Variants in UTP14A observed in about 807,000 individuals in gnomAD.
UTP14A encodes the protein U3 small nucleolar RNA-associated protein 14 homolog A.
Under a neutral mutation model 57.2 loss-of-function variants are expected in UTP14A, and 5 were observed. The observed-to-expected ratio is 0.09, with a 90% CI of 0.05 to 0.18. UTP14A has a LOEUF of 0.18. UTP14A is among the 10% of genes least tolerant of loss of function. UTP14A has a pLI of 1.00. For synonymous variants in UTP14A, 169 were observed against 210.9 expected (o/e 0.80, Z 1.72); for missense variants, 430 against 562.1 (o/e 0.76, Z 2.38).
At chrX:129,927,002 T>G (rs763024484) in intron 14 of UTP14A, among the ~76,000 whole-genome samples, 61 of 112,013 alleles carry the variant, frequency 5.4e-4, no homozygotes, top group Non-Finnish European at 8.5e-4. Context: ...AACCAATCAC[T>G]GCAGAAACTG....
rs190150690 is a variant in UTP14A at position 129,926,156 on chromosome X, C to T, written c.1943+44C>T. The T allele has an allele frequency of 3.5e-3, 4,166 of 1,206,853 alleles. 13 individuals carry two copies. The highest frequency in any genetic ancestry group is 6.7e-3 in the Middle Eastern group (29 of 4,333). Reference sequence around the variant, plus strand: ...GTCTGTCAAAAGGGCACCGGGTTCTCCCCTCGCCCTTCGGTGTCCTCCCTA... The same window carrying T: ...GTCTGTCAAAAGGGCACCGGGTTCTTCCCTCGCCCTTCGGTGTCCTCCCTA... On this transcript the variant is annotated intron_variant, in intron 13 of 14. Coordinates refer to ENST00000394422, the MANE Select transcript of UTP14A (RefSeq NM_006649.4).
chrX:129,920,411 C>CCGTG (rs1201943622), intron 8 of UTP14A, 46 bp from the exon 9 acceptor site: 1 of 1,209,003 alleles, frequency 8.3e-7, no homozygotes, highest in African/African-American at 1.7e-5. Flanking sequence ...CCTATGACAT[C>CCGTG]CGTGCTTCAG....
chrX:129,929,630 A>G lies in UTP14A; in HGVS notation c.*22A>G. On this transcript the variant is annotated 3_prime_UTR_variant, in exon 15 of 15. Transcript: ENST00000394422. ...TTGAGTTGCTGGAGGAGTGACAGCCAGGAGCCCTGACTTCACTTCCTTTGG... is the reference window on the plus strand; with the variant it reads ...TTGAGTTGCTGGAGGAGTGACAGCCGGGAGCCCTGACTTCACTTCCTTTGG... The G allele has an allele frequency of 8.3e-7, 1 of 1,200,690 alleles. No homozygotes were observed. The highest frequency in any genetic ancestry group is 1.1e-6 in the Non-Finnish European group (1 of 888,355).
chrX:129,908,595 A>C (rs779161075), intron 3 of UTP14A, 75 bp from the exon 4 acceptor site: 2 of 945,352 alleles, frequency 2.1e-6, no homozygotes, highest in African/African-American at 3.8e-5. Context: ...TTGAAGAGAG[A>C]AGTGTTTGTC....
At chrX:129,917,919 A>C (rs1265897307) in intron 6 of UTP14A, among the ~76,000 whole-genome samples, 1 of 111,998 alleles carries the variant, frequency 8.9e-6, no homozygotes, top group African/African-American at 3.2e-5. Flanking sequence ...CTCTGCCAAA[A>C]AAATGCCATG....
intron 14 of UTP14A, among the ~76,000 whole-genome samples, chrX:129,928,377 T>G (rs1483901528): frequency 3.8e-5 from 2 of 52,066 alleles, no homozygotes; most frequent in Admixed American, 3.5e-4. Flanking sequence ...AGAGCGAGAC[T>G]CCATCTCAAA....
Position 129,906,175 on chromosome X carries a change from C to G in UTP14A, c.-36C>G, listed in dbSNP as rs759469659. On this transcript the variant is annotated 5_prime_UTR_variant, in exon 1 of 15. Coordinates refer to ENST00000394422, the MANE Select transcript of UTP14A (RefSeq NM_006649.4). ...ACGGAAATTGCTTTCCTTCGGCTTC[C>G]GTTCTTGGTCCATGTGAGAGAAGCT... 3 of 1,207,999 alleles carry G rather than the reference C, an allele frequency of 2.5e-6. No individual in the cohort carries two copies. Among genetic ancestry groups the G allele is most frequent in the South Asian group, 3.5e-5 (2 of 56,763 alleles).
At position 129,924,828 on chromosome X, in the gene UTP14A, G is replaced by A. The variant is rs1227783096; in HGVS notation, c.1382G>A (p.Arg461Lys). 1 of 1,203,758 alleles carries A rather than the reference G, an allele frequency of 8.3e-7. No homozygotes were observed. Among genetic ancestry groups the A allele is most frequent in the Non-Finnish European group, 1.1e-6 (1 of 893,695 alleles). ...AGCCAGGAGGTGCTGTCTGAATTGA[G>A]AGTACTATCTCAGAAATTGAAGGAA... ...SGSQEVLSEL[R>K]VLSQKLKENH... Residue 461 changes from arginine to lysine, a missense_variant, in exon 12 of 15, where the codon AGA becomes AAA. By Grantham distance (26) the Arg-to-Lys change is conservative (BLOSUM62 2). Transcript: ENST00000394422.
At chrX:129,914,097 T>C (rs1929586552) in intron 6 of UTP14A, among the ~76,000 whole-genome samples, 1 of 112,089 alleles carries the variant, frequency 8.9e-6, no homozygotes, top group African/African-American at 3.2e-5. Flanking sequence ...ACATTGAATA[T>C]ACCATGCCGT....
rs768172768 is a variant in UTP14A at position 129,911,896 on chromosome X, T to C, written c.512T>C (p.Ile171Thr). The C allele has an allele frequency of 1.7e-6, 2 of 1,211,566 alleles. No individual in the cohort carries two copies. ...LEKEEPAIAPIEHVLSGWKAR... is the reference protein window; with the variant it reads ...LEKEEPAIAPTEHVLSGWKAR... ...AAAGAGGAGCCAGCCATTGCTCCCA[T>C]TGAACATGTGCTCAGTGGCTGGAAG... The change falls in exon 6 of 15, where the codon ATT becomes ACT. Residue 171 changes from isoleucine (I) to threonine (T), a missense_variant. Physicochemically the swap from Ile to Thr is moderately conservative, Grantham distance 89 (BLOSUM62 -1). Coordinates refer to ENST00000394422, the MANE Select transcript of UTP14A (RefSeq NM_006649.4).
Position 129,924,923 on chromosome X carries a change from G to A in UTP14A, c.1477G>A (p.Ala493Thr). The change falls in exon 12 of 15, where the codon GCC (alanine) becomes ACC (threonine). Residue 493 changes from alanine to threonine, a missense_variant. Physicochemically the swap from Ala to Thr is moderately conservative, Grantham distance 58. This residue lies in a region of UTP14A where 120 missense variants were observed against 116.8 expected (regional missense o/e 1.03). Coordinates refer to ENST00000394422, the MANE Select transcript of UTP14A (RefSeq NM_006649.4). ...TCCCCAGGTCCAGAGAGAGGAACCT[G>A]CCCCAGAAGAAGAGGAGCCCCTGTT... is the stretch of plus-strand genomic sequence containing the variant. ...TIPQVQREEP[A>T]PEEEEPLLLQ... The A allele has an allele frequency of 8.3e-7, 1 of 1,211,584 alleles. No individual in the cohort carries two copies. Among genetic ancestry groups the A allele is most frequent in the South Asian group, 1.8e-5 (1 of 56,964 alleles).
intron 4 of UTP14A, among the ~76,000 whole-genome samples, chrX:129,910,257 T>A (rs762921838): frequency 9.0e-6 from 1 of 111,553 alleles, no homozygotes; most frequent in African/African-American, 3.3e-5. Context: ...GGGGTTGATA[T>A]GAGGTTAGAG....
Position 129,911,080 on chromosome X carries a change from A to G in UTP14A, c.311A>G (p.Lys104Arg), listed in dbSNP as rs375762663. ...VKTSSSLATV[K>R]KQLSRVKSKK... The stretch of plus-strand genomic sequence containing the variant: ...ACTTCATCTTCTTTGGCCACTGTGA[A>G]AAAGCAACTGAGTAGAGTCAAATCA... Residue 104 changes from lysine to arginine, a missense_variant, in exon 5 of 15, where the codon AAA becomes AGA. Lys to Arg is a conservative substitution (Grantham distance 26). This residue lies in a region of UTP14A where 145 missense variants were observed against 153.5 expected (regional missense o/e 0.94). Transcript: ENST00000394422. 83 of 1,210,073 alleles carry G rather than the reference A, an allele frequency of 6.9e-5. No individual in the cohort carries two copies. The highest frequency in any genetic ancestry group is 8.0e-5 in the Non-Finnish European group (72 of 895,351).
At position 129,929,506 on chromosome X, in the gene UTP14A, C is replaced by A. The variant is rs766936254; in HGVS notation, c.2214C>A (p.Gly738=). Residue 738 remains glycine, a synonymous_variant, in exon 15 of 15, where the codon GGC becomes GGA. Transcript: ENST00000394422. ...ACCCCATAAAAGCAGAAGACGTGGG[C>A]TACCGGTCTTCCTCAAGGTCGGACC... is the stretch of plus-strand genomic sequence containing the variant. The part of the protein sequence containing the change: ...IINPIKAEDV[G]YRSSSRSDLS... 1 of 1,209,743 alleles carries A rather than the reference C, an allele frequency of 8.3e-7. No individual in the cohort carries two copies. Among genetic ancestry groups the A allele is most frequent in the Non-Finnish European group, 1.1e-6 (1 of 895,175 alleles).
At chrX:129,928,868 G>T (rs1425948379) in intron 14 of UTP14A, among the ~76,000 whole-genome samples, 7 of 111,833 alleles carry the variant, frequency 6.3e-5, no homozygotes, top group Non-Finnish European at 1.1e-4. Context: ...GATTCTTGCA[G>T]TCACAGTGTT....
rs2235731 is a variant in UTP14A, at chrX:129,906,270, T to A, written c.26+34T>A. ...CAACGAGGGGAGGGGGGATTCTGGG[T>A]CTCGTTGGGGGCCGGGTTCCCCAGC... On this transcript the variant is annotated intron_variant, in intron 1 of 14. Coordinates refer to ENST00000394422, the MANE Select transcript of UTP14A (RefSeq NM_006649.4). The A allele has an allele frequency of 4.4e-3, 5,190 of 1,184,242 alleles. 195 individuals are homozygous for A. The East Asian group carries it at 0.13, about 30-fold the overall frequency.
intron 6 of UTP14A, chrX:129,913,528 C>CTGT (rs982214459): frequency 3.6e-6 from 1 of 276,337 alleles, no homozygotes; most frequent in Non-Finnish European, 7.1e-6. Flanking sequence ...CATAAGTTTG[C>CTGT]TGTTGTTGTT....
At position 129,929,392 on chromosome X, in the gene UTP14A, G is replaced by A. The variant is rs57589937; in HGVS notation, c.2100G>A (p.Gln700=). ...THHWQFERTI[Q]TPIGSTWNTQ... ...ATTGGCAATTTGAAAGGACCATCCA[G>A]ACCCCCATAGGATCCACATGGAACA... Residue 700 remains glutamine, a synonymous_variant, in exon 15 of 15, where the codon CAG becomes CAA. Transcript: ENST00000394422. 1 of 1,211,246 alleles carries A rather than the reference G, an allele frequency of 8.3e-7. No individual in the cohort carries two copies. The highest frequency in any genetic ancestry group is 1.1e-6 in the Non-Finnish European group (1 of 895,372).
chrX:129,926,081 G>A lies in UTP14A; in HGVS notation c.1912G>A (p.Gly638Ser). ...TGGCTGGGGCGAGTGGGGTGGTGTG[G>A]GCCTAAAGCCCAGTGCCAAGAAAAG... ...LPGWGEWGGV[G>S]LKPSAKKRRR... Residue 638 changes from glycine to serine, a missense_variant, in exon 13 of 15, where the codon GGC (glycine) becomes AGC (serine). Around this residue, in one of 4 missense-constraint regions of UTP14A, gnomAD observed 82 missense variants for 151.4 expected, o/e 0.54. Coordinates refer to ENST00000394422, the MANE Select transcript of UTP14A (RefSeq NM_006649.4). 2 of 1,211,407 alleles carry A rather than the reference G, an allele frequency of 1.7e-6. No individual in the cohort carries two copies. Among genetic ancestry groups the A allele is most frequent in the Non-Finnish European group, 2.2e-6 (2 of 895,276 alleles).
Sources: allele counts gnomAD v4.1 joint callset (sites outside exome capture counted in the v4.1 genomes callset), GRCh38; gene constraint gnomAD v4.1.1; regional missense constraint gnomAD v4.1.1; transcripts MANE v1.5; gene names NCBI Gene and HGNC (gene_info 2026-07-23, HGNC 2026-07-21).